ASMT: variants seen among roughly 807,000 people sequenced by gnomAD.
The protein encoded by ASMT is acetylserotonin O-methyltransferase, also known as acetylserotonin N-methyltransferase.
In ASMT, 53 loss-of-function variants were observed where a neutral mutation model predicts 41.3. The observed-to-expected ratio is 1.28, with a 90% CI of 1.03 to 1.61. The LOEUF (loss-of-function observed/expected upper bound fraction) is 1.61. ASMT is among the 40% of genes most tolerant of loss of function. The pLI is 0.00. For missense variants in ASMT, 531 were observed against 441.3 expected (o/e 1.20, Z -1.82); for synonymous variants, 231 against 184.8 (o/e 1.25, Z -2.03).
chrX:1,621,535 C>T (rs1442998444), intron 1 of ASMT, among the ~76,000 whole-genome samples: 9 of 151,992 alleles, frequency 5.9e-5, no homozygotes, highest in Non-Finnish European at 1.2e-4. Flanking sequence ...CCAGGTTAGC[C>T]CTGAACTCCT....
rs775894181 is a variant in ASMT at position 1,624,326 on chromosome X, C to A, written c.302C>A (p.Ser101Ter). ...SDYLTTVSPT[S>*]QCSMLKYMGR... The stretch of plus-strand genomic sequence containing the variant: ...TACCTGACCACGGTCAGCCCGACGT[C>A]ACAATGCAGCATGCTGAAGTACATG... Residue 101 changes from serine to a stop codon, truncating the protein, a stop_gained, in exon 3 of 9, where the codon TCA becomes TAA. Coordinates refer to ENST00000381241, the MANE Select transcript of ASMT (RefSeq NM_001171038.2). LOFTEE classifies it high-confidence loss of function. 7.4e-6 allele frequency: 12 copies of A among 1,613,868 alleles called. No homozygotes were observed. Among genetic ancestry groups the A allele is most frequent in the Non-Finnish European group, 9.3e-6 (11 of 1,179,878 alleles).
chrX:1,636,890 T>A (rs1454754973), intron 8 of ASMT, among the ~76,000 whole-genome samples: 64 of 146,370 alleles, frequency 4.4e-4, no homozygotes, highest in South Asian at 3.7e-3. Flanking sequence ...TCCTGATGGT[T>A]CATGAGGATG....
chrX:1,624,090 C>A, intron 2 of ASMT, 179 bp from the exon 3 acceptor site: 1 of 303,406 alleles, frequency 3.3e-6, no homozygotes, highest in Non-Finnish European at 4.9e-6. Context: ...CGCCCCAGGT[C>A]ACCTTTGCGC....
chrX:1,625,694 C>G (rs1248839573), intron 3 of ASMT, among the ~76,000 whole-genome samples: 5 of 151,842 alleles, frequency 3.3e-5, no homozygotes, highest in Non-Finnish European at 4.4e-5. Flanking sequence ...GTAGCCCATG[C>G]CGGTAATCCC....
In ASMT at chrX:1,617,312, G is replaced by T. The variant is rs371747012; in HGVS notation, c.69+2044G>T. The stretch of plus-strand genomic sequence containing the variant: ...TGGTGAAACCCCGTCTCTACTAGAA[G>T]TATAAAAATTAGCCAGGCATGATGG... On this transcript the variant is annotated intron_variant, in intron 1 of 8. Coordinates refer to ENST00000381241, the MANE Select transcript of ASMT (RefSeq NM_001171038.2). 2.6e-5 allele frequency among the ~76,000 whole-genome samples: 4 copies of T among 151,406 alleles called. No homozygotes were observed. In the East Asian group the frequency reaches 8.1e-4, roughly 31 times the overall value.
At chrX:1,629,229 C>T (rs532174839) in intron 4 of ASMT, among the ~76,000 whole-genome samples, 7 of 152,244 alleles carry the variant, frequency 4.6e-5, no homozygotes, top group South Asian at 2.1e-4. Context: ...GAATAGTGAC[C>T]GTGGTACCTA....
At chrX:1,631,301 G>A (rs1321391024) in intron 5 of ASMT, among the ~76,000 whole-genome samples, 2 of 150,956 alleles carry the variant, frequency 1.3e-5, no homozygotes, top group East Asian at 4.0e-4. Context: ...CTCCTGCCTC[G>A]GCCTCCCAGA....
chrX:1,628,261 C>T (rs1489339297), intron 4 of ASMT, among the ~76,000 whole-genome samples: 9 of 152,262 alleles, frequency 5.9e-5, no homozygotes, highest in East Asian at 1.9e-4. Flanking sequence ...GCGGAGGTTG[C>T]GGTGATCTGA....
At chrX:1,620,047 C>T (rs868361351) in intron 1 of ASMT, among the ~76,000 whole-genome samples, 5 of 149,942 alleles carry the variant, frequency 3.3e-5, no homozygotes, top group Non-Finnish European at 3.0e-5. Flanking sequence ...GAGCCGAGAT[C>T]GCACCACTGC....
intron 8 of ASMT, among the ~76,000 whole-genome samples, chrX:1,638,648 G>A (rs1450695569): frequency 0.016 from 10 of 618 alleles, 3 homozygotes; most frequent in East Asian, 0.5. Flanking sequence ...TGTGTATGAT[G>A]GGGACAGTGT....
chrX:1,631,567 G>A (rs1934777328), intron 5 of ASMT, among the ~76,000 whole-genome samples: 1 of 152,108 alleles, frequency 6.6e-6, no homozygotes, highest in Non-Finnish European at 1.5e-5. Context: ...ACTGTGAGCA[G>A]GGATAGATAG....
intron 3 of ASMT, 104 bp from the exon 4 acceptor site, chrX:1,627,599 C>CT: frequency 8.1e-7 from 1 of 1,228,268 alleles, no homozygotes; most frequent in East Asian, 2.3e-5. Flanking sequence ...CCAGCCTGGG[C>CT]TACAGAGCTG....
chrX:1,629,764 G>A, intron 4 of ASMT, 57 bp from the exon 5 acceptor site: 1 of 1,525,150 alleles, frequency 6.6e-7, no homozygotes, highest in African/African-American at 1.4e-5. Context: ...GTACACCCTT[G>A]CTCTGGGCAC....
rs1178214520 is a variant in ASMT, at chrX:1,629,580, C to A, written c.444-241C>A. On this transcript the variant is annotated intron_variant, in intron 4 of 8. Transcript: ENST00000381241. ...CTCCTCTTCAGATAGAAATCCCTTC[C>A]CATCCAGAGAACAATCGTCCGTTCT... Among the ~76,000 whole-genome samples the A allele has an allele frequency of 2.6e-5, 4 of 152,180 alleles. 1 individual carries two copies. Among genetic ancestry groups the A allele is most frequent in the Non-Finnish European group, 5.9e-5 (4 of 68,042 alleles).
Position 1,624,400 on chromosome X carries a change from T to G in ASMT, c.374+2T>G. ...GGGCCACCTGGCAGACGCCGTGAGG[T>G]GGGGGCTGCCCCCAGGCAGATGCTG... On this transcript the variant is annotated splice_donor_variant, in intron 3 of 8. Coordinates refer to ENST00000381241, the MANE Select transcript of ASMT (RefSeq NM_001171038.2). LOFTEE classifies it high-confidence loss of function. 1 of 1,611,808 alleles carries G rather than the reference T, an allele frequency of 6.2e-7. No individual in the cohort carries two copies. Among genetic ancestry groups the G allele is most frequent in the Non-Finnish European group, 8.5e-7 (1 of 1,178,972 alleles).
At chrX:1,616,168 A>C (rs1455124131) in intron 1 of ASMT, among the ~76,000 whole-genome samples, 2 of 144,284 alleles carry the variant, frequency 1.4e-5, no homozygotes, top group Non-Finnish European at 3.0e-5. Context: ...ATCTGGGATT[A>C]CAGGCACCCA....
Position 1,624,378 on chromosome X carries a change from C to T in ASMT, c.354C>T (p.Gly118=), listed in dbSNP as rs1463863793. 1.2e-6 allele frequency: 2 copies of T among 1,613,694 alleles called. No individual in the cohort carries two copies. ...YMGRTSYRCW[G]HLADAVREGR... ...GCAGGACCAGCTACCGGTGCTGGGGCCACCTGGCAGACGCCGTGAGGTGGG... is the reference window on the plus strand; with the variant it reads ...GCAGGACCAGCTACCGGTGCTGGGGTCACCTGGCAGACGCCGTGAGGTGGG... Residue 118 remains glycine (G), a synonymous_variant, in exon 3 of 9, where the codon GGC becomes GGT. Transcript: ENST00000381241.
At chrX:1,636,410 A>T (rs756140096) in intron 7 of ASMT, 28 bp from the exon 8 acceptor site, 5 of 1,613,748 alleles carry the variant, frequency 3.1e-6, no homozygotes. Context: ...TTGCAGGCTG[A>T]CCTCGGTGTG....
At position 1,616,940 on chromosome X, in the gene ASMT, C is replaced by A. The variant is rs1343831070; in HGVS notation, c.69+1672C>A. ...AGCCAGGATGGTCTCGATCTCCTGACCTCATGATCCGCCCGCCTCGGCCTC... is the reference window on the plus strand; with the variant it reads ...AGCCAGGATGGTCTCGATCTCCTGAACTCATGATCCGCCCGCCTCGGCCTC... On this transcript the variant is annotated intron_variant, in intron 1 of 8. Coordinates refer to ENST00000381241, the MANE Select transcript of ASMT (RefSeq NM_001171038.2). 1.3e-4 allele frequency among the ~76,000 whole-genome samples: 19 copies of A among 151,984 alleles called. No homozygotes were observed. The South Asian group carries it at 2.7e-3, about 22-fold the overall frequency.
Sources: gnomAD v4.1 joint callset for allele counts (sites outside exome capture counted in the v4.1 genomes callset) on GRCh38, gnomAD v4.1.1 for gene constraint, MANE v1.5 for transcripts, NCBI Gene and HGNC (gene_info 2026-07-23, HGNC 2026-07-21) for gene names.